GPC5: variants seen among roughly 807,000 people sequenced by gnomAD.
GPC5 encodes glypican-5.
GPC5 carries 47 observed loss-of-function variants against 53.9 expected under a neutral mutation model. The observed-to-expected ratio is 0.87, with a 90% CI of 0.69 to 1.11. The LOEUF (loss-of-function observed/expected upper bound fraction) is 1.11. Among genes scored for constraint, GPC5 ranks in the 50% most tolerant of loss-of-function variants. The pLI is 0.00. For missense variants in GPC5, 748 were observed against 713.1 expected (o/e 1.05, Z -0.56); for synonymous variants, 286 against 263.3 (o/e 1.09, Z -0.84).
chr13:91,839,299 G>T (rs558210437), intron 5 of GPC5, among the ~76,000 whole-genome samples: 14 of 152,024 alleles, frequency 9.2e-5, no homozygotes, highest in African/African-American at 3.4e-4. Context: ...CATATTTCTT[G>T]GAATTTCAGT....
At chr13:92,458,985 ATAT>A (rs969568623) in intron 7 of GPC5, among the ~76,000 whole-genome samples, 8 of 152,120 alleles carry the variant, frequency 5.3e-5, no homozygotes, top group Admixed American at 1.3e-4. Flanking sequence ...ATGCACCCTA[ATAT>A]TATCATTTAA....
At chr13:92,352,925 A>T (rs1002370261) in intron 7 of GPC5, among the ~76,000 whole-genome samples, 7 of 152,178 alleles carry the variant, frequency 4.6e-5, no homozygotes, top group Non-Finnish European at 7.4e-5. Flanking sequence ...AATAATATTG[A>T]TGGTGGTGCT....
At chr13:92,560,897 G>A (rs1393029239) in intron 7 of GPC5, among the ~76,000 whole-genome samples, 2 of 149,568 alleles carry the variant, frequency 1.3e-5, no homozygotes, top group African/African-American at 5.0e-5. Context: ...GTGTGTGTGT[G>A]TATACATATA....
chr13:92,837,079 A>T (rs2138828102), intron 7 of GPC5, among the ~76,000 whole-genome samples: 1 of 152,288 alleles, frequency 6.6e-6, no homozygotes, highest in Non-Finnish European at 1.5e-5. Context: ...GTAAAAAGAA[A>T]ACCTTGCAAG....
At chr13:92,056,465 G>A (rs1012847814) in intron 6 of GPC5, among the ~76,000 whole-genome samples, 1 of 152,118 alleles carries the variant, frequency 6.6e-6, no homozygotes, top group Non-Finnish European at 1.5e-5. Context: ...GAAAATCTTT[G>A]GGGGAGGGGG....
At chr13:92,122,240 C>G (rs1353946773) in intron 6 of GPC5, among the ~76,000 whole-genome samples, 1 of 150,844 alleles carries the variant, frequency 6.6e-6, no homozygotes, top group Non-Finnish European at 1.5e-5. Context: ...ACCTTGGGCT[C>G]TCAGTGACGT....
chr13:92,787,385 A>C (rs1876277626), intron 7 of GPC5, among the ~76,000 whole-genome samples: 1 of 152,122 alleles, frequency 6.6e-6, no homozygotes, highest in Admixed American at 6.6e-5. Context: ...TATAAACAGA[A>C]AAATATCCCT....
intron 1 of GPC5, among the ~76,000 whole-genome samples, chr13:91,407,913 T>C (rs923519771): frequency 6.6e-6 from 1 of 152,180 alleles, no homozygotes; most frequent in African/African-American, 2.4e-5. Flanking sequence ...TTTTAAAAAA[T>C]TTATTTTAAA....
At chr13:91,773,842 A>C (rs2037666020) in intron 5 of GPC5, among the ~76,000 whole-genome samples, 1 of 152,216 alleles carries the variant, frequency 6.6e-6, no homozygotes, top group South Asian at 2.1e-4. Flanking sequence ...CTGATCCGTT[A>C]GTCTATATAT....
chr13:92,280,290 C>G (rs1230815301), intron 7 of GPC5, among the ~76,000 whole-genome samples: 1 of 152,198 alleles, frequency 6.6e-6, no homozygotes, highest in African/African-American at 2.4e-5. Flanking sequence ...TTTTGCTGAT[C>G]TTTTCAAAGA....
chr13:92,082,172 A>G (rs1041093282), intron 6 of GPC5, among the ~76,000 whole-genome samples: 4 of 151,418 alleles, frequency 2.6e-5, no homozygotes, highest in South Asian at 2.1e-4. Context: ...GAATTATGAT[A>G]TAAGTGCCGT....
chr13:91,841,526 G>T (rs530348821), intron 5 of GPC5, among the ~76,000 whole-genome samples: 1 of 151,830 alleles, frequency 6.6e-6, no homozygotes, highest in African/African-American at 2.4e-5. Flanking sequence ...TGTCTTCTTC[G>T]TTCTGTTGCC....
intron 7 of GPC5, among the ~76,000 whole-genome samples, chr13:92,225,098 T>C (rs753756394): frequency 6.6e-6 from 1 of 152,122 alleles, no homozygotes; most frequent in Non-Finnish European, 1.5e-5. Flanking sequence ...CCATAGCCTA[T>C]TGAGTAACTT....
chr13:92,415,688 AAAG>A (rs1217354186), intron 7 of GPC5, among the ~76,000 whole-genome samples: 28 of 151,998 alleles, frequency 1.8e-4, no homozygotes, highest in African/African-American at 6.8e-4. Context: ...AAAAAAAAAA[AAAG>A]AAGTAATAGC....
intron 7 of GPC5, among the ~76,000 whole-genome samples, chr13:92,510,322 G>A (rs1880519205): frequency 6.6e-6 from 1 of 152,076 alleles, no homozygotes; most frequent in Admixed American, 6.6e-5. Flanking sequence ...ATGTCAAAAT[G>A]TCTACCAGCC....
chr13:92,711,902 T>C (rs67237904), intron 7 of GPC5, among the ~76,000 whole-genome samples: 11,085 of 151,804 alleles, frequency 0.073, 817 homozygotes, highest in East Asian at 0.32. Flanking sequence ...ATATCAAAAT[T>C]GTGCCAAACT....
chr13:91,620,216 T>C (rs1220581715), intron 2 of GPC5, among the ~76,000 whole-genome samples: 4 of 152,108 alleles, frequency 2.6e-5, no homozygotes, highest in Non-Finnish European at 5.9e-5. Flanking sequence ...GCAACTTATT[T>C]CCATTATTAA....
intron 6 of GPC5, among the ~76,000 whole-genome samples, chr13:92,070,177 C>T (rs1380025650): frequency 6.6e-6 from 1 of 152,060 alleles, no homozygotes; most frequent in Admixed American, 6.6e-5. Context: ...AAGGCTGGCC[C>T]CAGCTGACAG....
chr13:91,406,883 C>T (rs2138763016), intron 1 of GPC5, among the ~76,000 whole-genome samples: 1 of 152,248 alleles, frequency 6.6e-6, no homozygotes, highest in East Asian at 1.9e-4. Flanking sequence ...CTTTGATTAG[C>T]CTTGACATCC....
Sources: gnomAD v4.1 joint callset for allele counts (sites outside exome capture counted in the v4.1 genomes callset) on GRCh38, gnomAD v4.1.1 for gene constraint, MANE v1.5 for transcripts, NCBI Gene and HGNC (gene_info 2026-07-23, HGNC 2026-07-21) for gene names.